The following ARHGAP24 variants were observed in gnomAD, a reference collection of about 807,000 sequenced individuals.
ARHGAP24 encodes the protein rho GTPase-activating protein 24.
In ARHGAP24, 50 loss-of-function variants were observed where a neutral mutation model predicts 76.4. The observed-to-expected ratio is 0.65, with a 90% CI of 0.52 to 0.83. The LOEUF is 0.83. Ranked by LOEUF, ARHGAP24 falls within the 40% of genes least tolerant of loss-of-function variation. The pLI, the probability that ARHGAP24 is intolerant of heterozygous loss-of-function variation, is 0.00. For synonymous variants in ARHGAP24, 345 were observed against 323.3 expected (o/e 1.07, Z -0.72); for missense variants, 930 against 914.2 (o/e 1.02, Z -0.22).
intron 3 of ARHGAP24, among the ~76,000 whole-genome samples, chr4:85,901,026 C>G (rs1203896110): frequency 2.0e-5 from 3 of 152,180 alleles, no homozygotes; most frequent in Non-Finnish European, 4.4e-5. Flanking sequence ...AAGTGAGAAA[C>G]TGTGAAGTGA....
At chr4:85,944,528 C>T (rs1417176795) in intron 5 of ARHGAP24, among the ~76,000 whole-genome samples, 1 of 152,136 alleles carries the variant, frequency 6.6e-6, no homozygotes, top group South Asian at 2.1e-4. Flanking sequence ...CGCCTGTTCA[C>T]GCTGATGATA....
At chr4:85,771,809 A>C (rs1231022942) in intron 3 of ARHGAP24, among the ~76,000 whole-genome samples, 1 of 152,142 alleles carries the variant, frequency 6.6e-6, no homozygotes, top group African/African-American at 2.4e-5. Flanking sequence ...TCCCGGGTTC[A>C]AGTGATTCTC....
chr4:85,772,841 G>C (rs561465935), intron 3 of ARHGAP24, among the ~76,000 whole-genome samples: 23 of 152,206 alleles, frequency 1.5e-4, no homozygotes, highest in African/African-American at 4.8e-4. Flanking sequence ...TCTAAACAAT[G>C]TCTTTGAGTC....
At chr4:85,590,266 T>C (rs1728038249) in intron 2 of ARHGAP24, among the ~76,000 whole-genome samples, 1 of 141,548 alleles carries the variant, frequency 7.1e-6, no homozygotes, top group African/African-American at 2.5e-5. Flanking sequence ...CATCCCTCCA[T>C]CCCTCCCACC....
intron 3 of ARHGAP24, among the ~76,000 whole-genome samples, chr4:85,895,001 C>CAAAAAAAAAAAAAAA (rs1222078793): frequency 1.5e-4 from 8 of 54,338 alleles, no homozygotes; most frequent in African/African-American, 2.5e-4. Flanking sequence ...AAACAAAAAG[C>CAAAAAAAAAAAAAAA]AAAAAAAAAA....
chr4:85,844,873 G>A (rs1730789278), intron 3 of ARHGAP24, among the ~76,000 whole-genome samples: 1 of 152,214 alleles, frequency 6.6e-6, no homozygotes. Flanking sequence ...GGATATTGCA[G>A]ATGTAGGTGT....
At position 85,651,247 on chromosome 4, in the gene ARHGAP24, A is replaced by G. The variant is rs1413266433; in HGVS notation, c.181-70638A>G. On this transcript the variant is annotated intron_variant, in intron 2 of 9. Transcript: ENST00000395184. Reference sequence around the variant, plus strand: ...TATGCTCTAAATGTAATGGAAAGATATTAAAGAGTTTTAAGCAAACAAGTG... The same window carrying G: ...TATGCTCTAAATGTAATGGAAAGATGTTAAAGAGTTTTAAGCAAACAAGTG... 3.3e-5 allele frequency among the ~76,000 whole-genome samples: 5 copies of G among 149,424 alleles called. No individual in the cohort carries two copies. The East Asian group carries it at 7.7e-4, about 23-fold the overall frequency.
chr4:85,987,459 A>G (rs1740069821), intron 8 of ARHGAP24, among the ~76,000 whole-genome samples: 1 of 152,116 alleles, frequency 6.6e-6, no homozygotes, highest in Non-Finnish European at 1.5e-5. Context: ...AATCATAAAA[A>G]TATGAGCTGT....
chr4:85,952,841 A>T (rs550478543), intron 5 of ARHGAP24, among the ~76,000 whole-genome samples: 2 of 152,350 alleles, frequency 1.3e-5, no homozygotes, highest in African/African-American at 4.8e-5. Flanking sequence ...AAAAGAAAAC[A>T]GATATCATAG....
intron 2 of ARHGAP24, among the ~76,000 whole-genome samples, chr4:85,665,301 T>A (rs1309269852): frequency 6.6e-6 from 1 of 152,098 alleles, no homozygotes; most frequent in African/African-American, 2.4e-5. Flanking sequence ...TCTTTGTTGG[T>A]TTAAAGTCTG....
chr4:85,843,973 C>CA (rs553623991), intron 3 of ARHGAP24, among the ~76,000 whole-genome samples: 39 of 152,066 alleles, frequency 2.6e-4, no homozygotes, highest in African/African-American at 9.2e-4. Flanking sequence ...ATGTGTGACA[C>CA]AAAAAGCCCT....
At chr4:85,629,860 A>G (rs570399640) in intron 2 of ARHGAP24, among the ~76,000 whole-genome samples, 12 of 152,032 alleles carry the variant, frequency 7.9e-5, no homozygotes, top group Non-Finnish European at 1.6e-4. Context: ...TTTGGGCTTC[A>G]TGGATCTGAA....
At chr4:85,989,489 CTCTT>C (rs1472142543) in intron 8 of ARHGAP24, among the ~76,000 whole-genome samples, 7 of 151,772 alleles carry the variant, frequency 4.6e-5, no homozygotes, top group South Asian at 2.1e-4. Flanking sequence ...TGTGCACAGA[CTCTT>C]TCAGAAAAAA....
intron 2 of ARHGAP24, among the ~76,000 whole-genome samples, chr4:85,657,047 GT>G: frequency 6.6e-6 from 1 of 152,258 alleles, no homozygotes; most frequent in African/African-American, 2.4e-5. Flanking sequence ...TTGCAATGGT[GT>G]TTTGGAACAA....
chr4:85,822,787 T>G (rs963688029), intron 3 of ARHGAP24, among the ~76,000 whole-genome samples: 31 of 152,230 alleles, frequency 2.0e-4, no homozygotes, highest in African/African-American at 7.2e-4. Context: ...TGAATTTATA[T>G]GCACTTGCTC....
At chr4:85,812,599 T>C (rs1729062587) in intron 3 of ARHGAP24, among the ~76,000 whole-genome samples, 1 of 152,192 alleles carries the variant, frequency 6.6e-6, no homozygotes, top group East Asian at 1.9e-4. Context: ...AGATTGTCAA[T>C]AATAGGAAAG....
intron 8 of ARHGAP24, among the ~76,000 whole-genome samples, chr4:85,993,687 A>G (rs915138790): frequency 6.6e-6 from 1 of 152,140 alleles, no homozygotes; most frequent in African/African-American, 2.4e-5. Context: ...TTATATAGAA[A>G]CTACATAAAA....
intron 5 of ARHGAP24, among the ~76,000 whole-genome samples, chr4:85,950,477 G>A (rs967728324): frequency 2.6e-5 from 4 of 152,006 alleles, no homozygotes; most frequent in Admixed American, 6.6e-5. Flanking sequence ...CTTCAGCCTC[G>A]GTGGCAGAGC....
At chr4:85,645,434 A>G (rs1721685075) in intron 2 of ARHGAP24, among the ~76,000 whole-genome samples, 1 of 152,142 alleles carries the variant, frequency 6.6e-6, no homozygotes, top group Non-Finnish European at 1.5e-5. Context: ...ATGATAATCA[A>G]GAGGAACAGC....
Sources: allele counts gnomAD v4.1 joint callset (sites outside exome capture counted in the v4.1 genomes callset), GRCh38; gene constraint gnomAD v4.1.1; transcripts MANE v1.5; gene names NCBI Gene and HGNC (gene_info 2026-07-23, HGNC 2026-07-21).